RBFOX1: variants seen among roughly 807,000 people sequenced by gnomAD.
The protein encoded by RBFOX1 is RNA binding protein fox-1 homolog 1.
In RBFOX1, 8 loss-of-function variants were observed where a neutral mutation model predicts 57.7. That is an observed-to-expected ratio of 0.14 (90% CI 0.08 to 0.25). The LOEUF (loss-of-function observed/expected upper bound fraction) is 0.25, where lower values mean the gene tolerates loss of function less well. RBFOX1 is among the 10% of genes least tolerant of loss of function. RBFOX1 has a pLI of 1.00. For synonymous variants in RBFOX1, 326 were observed against 222.4 expected (o/e 1.47, Z -4.15); for missense variants, 611 against 548.5 (o/e 1.11, Z -1.14).
intron 4 of RBFOX1, among the ~76,000 whole-genome samples, chr16:7,462,789 T>G (rs942963412): frequency 6.6e-6 from 1 of 152,200 alleles, no homozygotes; most frequent in African/African-American, 2.4e-5. Context: ...GTATTCCTTC[T>G]CCTGCTGTCC....
rs1555721931 is a variant in RBFOX1, at chr16:7,330,518, G to GTT, written c.28-187628_28-187627insTT. Among the ~76,000 whole-genome samples, 1,182 of 133,292 alleles carry GTT rather than the reference G, an allele frequency of 8.9e-3. 10 individuals carry two copies. The highest frequency in any genetic ancestry group is 0.048 in the Middle Eastern group (12 of 248). The allele number at this position is 133,292 out of a possible 152,430, so 87.4% of individuals were successfully genotyped here. A position where few individuals can be genotyped will look rare whatever the true frequency, so the allele number is the denominator to read the frequency against. On this transcript the variant is annotated intron_variant, in intron 4 of 15. Transcript: ENST00000550418. ...TGTGTGTGTGTGTGTGTTTGTGTGT[G>GTT]TGTGTGTAGAGAGAGAGAGAGAGAG...
intron 1 of RBFOX1, among the ~76,000 whole-genome samples, chr16:6,064,988 G>GT (rs2095741257): frequency 6.6e-6 from 1 of 151,128 alleles, no homozygotes; most frequent in Non-Finnish European, 1.5e-5. Context: ...ACCTCCCTAC[G>GT]TGACTGTTTT....
Position 6,431,892 on chromosome 16 carries a change from G to GCTTTTCTTT in RBFOX1, c.-64+114838_-64+114839insTTCTTTCTT, listed in dbSNP as rs1491491088. ...AACATGTCCAGAAATATGCTTGCTTGCTTGCTTTCTTTCTTTCTTTCTTTC... is the reference window on the plus strand; with the variant it reads ...AACATGTCCAGAAATATGCTTGCTTGCTTTTCTTTCTTGCTTTCTTTCTTTCTTTCTTTC... On this transcript the variant is annotated intron_variant, in intron 2 of 15. Transcript: ENST00000550418. Among the ~76,000 whole-genome samples, 289 of 118,230 alleles carry GCTTTTCTTT rather than the reference G, an allele frequency of 2.4e-3. 4 individuals carry two copies. In the East Asian group the frequency reaches 0.042, roughly 17 times the overall value. The allele number at this position is 118,230 out of a possible 152,430, so 77.6% of individuals were successfully genotyped here. A position where few individuals can be genotyped will look rare whatever the true frequency, so the allele number is the denominator to read the frequency against.
At chr16:5,260,486 A>G (rs2062706621) in intron 1 of RBFOX1, among the ~76,000 whole-genome samples, 1 of 152,226 alleles carries the variant, frequency 6.6e-6, no homozygotes, top group Non-Finnish European at 1.5e-5. Flanking sequence ...TGGAAGTGAA[A>G]CTGAAGGAAC....
At chr16:5,452,310 G>A (rs1323680643) in intron 1 of RBFOX1, among the ~76,000 whole-genome samples, 2 of 151,578 alleles carry the variant, frequency 1.3e-5, no homozygotes, top group Non-Finnish European at 2.9e-5. Flanking sequence ...GCAGAGATAA[G>A]GTTTTCTCTG....
intron 3 of RBFOX1, among the ~76,000 whole-genome samples, chr16:6,689,571 C>T (rs1006143178): frequency 5.9e-5 from 9 of 152,110 alleles, no homozygotes; most frequent in African/African-American, 2.2e-4. Context: ...GGTGCCTCAG[C>T]CTGTCTATGA....
At chr16:7,040,062 C>G (rs1332827418) in intron 3 of RBFOX1, among the ~76,000 whole-genome samples, 1 of 151,662 alleles carries the variant, frequency 6.6e-6, no homozygotes, top group African/African-American at 2.4e-5. Context: ...TGCTCTGTCA[C>G]CAGGTTGGAG....
chr16:5,297,606 G>A (rs1210298595), intron 1 of RBFOX1, among the ~76,000 whole-genome samples: 8 of 152,048 alleles, frequency 5.3e-5, no homozygotes, highest in Non-Finnish European at 7.4e-5. Context: ...ATTGAGTTGA[G>A]TTCTTTATAT....
At chr16:6,558,681 C>G (rs780811794) in intron 2 of RBFOX1, among the ~76,000 whole-genome samples, 1 of 152,012 alleles carries the variant, frequency 6.6e-6, no homozygotes, top group Non-Finnish European at 1.5e-5. Context: ...AAACAAAACG[C>G]CCAAACAGGT....
chr16:6,091,456 A>G (rs763324026), intron 1 of RBFOX1, among the ~76,000 whole-genome samples: 1 of 152,152 alleles, frequency 6.6e-6, no homozygotes, highest in African/African-American at 2.4e-5. Context: ...ACTTTTTTAT[A>G]GGGTGAGCGG....
At chr16:6,393,336 T>C (rs1033096169) in intron 2 of RBFOX1, among the ~76,000 whole-genome samples, 3 of 152,206 alleles carry the variant, frequency 2.0e-5, no homozygotes, top group Admixed American at 6.5e-5. Context: ...ATATGCTAGA[T>C]AGACAGTCAC....
chr16:6,582,829 G>A (rs2345604), intron 2 of RBFOX1, among the ~76,000 whole-genome samples: 48,976 of 135,332 alleles, frequency 0.36, 9,913 homozygotes, highest in Admixed American at 0.46. Flanking sequence ...ACCCCTTTTT[G>A]AAATGTTGGA....
chr16:7,191,047 C>T (rs17142828), intron 4 of RBFOX1, among the ~76,000 whole-genome samples: 7,329 of 151,988 alleles, frequency 0.048, 576 homozygotes, highest in African/African-American at 0.17. Flanking sequence ...CAATCCTATT[C>T]GGGGACCCCT....
chr16:7,303,145 C>T (rs902907184), intron 4 of RBFOX1, among the ~76,000 whole-genome samples: 3 of 152,142 alleles, frequency 2.0e-5, no homozygotes, highest in East Asian at 3.9e-4. Flanking sequence ...CCAGCCTGGG[C>T]GGTTGCTCTC....
chr16:6,809,299 G>C (rs1343401860), intron 3 of RBFOX1, among the ~76,000 whole-genome samples: 1 of 152,098 alleles, frequency 6.6e-6, no homozygotes, highest in African/African-American at 2.4e-5. Flanking sequence ...ATTTAATTTG[G>C]CTGAAGTTTT....
At chr16:7,526,028 G>A (rs910011508) in intron 5 of RBFOX1, among the ~76,000 whole-genome samples, 19 of 151,924 alleles carry the variant, frequency 1.3e-4, no homozygotes, top group Admixed American at 1.2e-3. Context: ...GTGAGTGGTG[G>A]ATGAGTGAGC....
chr16:7,010,447 G>A (rs1045198000), intron 3 of RBFOX1, among the ~76,000 whole-genome samples: 18 of 152,164 alleles, frequency 1.2e-4, no homozygotes, highest in African/African-American at 4.3e-4. Flanking sequence ...AGTTGACCGA[G>A]TCCGTGAGCA....
At chr16:5,528,281 AG>A in intron 2 of RBFOX1, among the ~76,000 whole-genome samples, 1 of 152,218 alleles carries the variant, frequency 6.6e-6, no homozygotes, top group East Asian at 1.9e-4. Context: ...GGGGGAGTGT[AG>A]GACCTGCAGA....
chr16:5,375,957 G>A (rs35941363), intron 1 of RBFOX1, among the ~76,000 whole-genome samples: 50,412 of 151,826 alleles, frequency 0.33, 9,884 homozygotes, highest in African/African-American at 0.55. Context: ...ATTTGAGGTC[G>A]GGAGTCTGAG....
Sources: allele counts gnomAD v4.1 joint callset (sites outside exome capture counted in the v4.1 genomes callset), GRCh38; gene constraint gnomAD v4.1.1; transcripts MANE v1.5; gene names NCBI Gene and HGNC (gene_info 2026-07-23, HGNC 2026-07-21).